The following ADAMTSL1 variants were observed in gnomAD, a reference collection of about 807,000 sequenced individuals.
ADAMTSL1 encodes ADAMTS like 1, also known as ADAMTS-like protein 1.
ADAMTSL1 carries 126 observed loss-of-function variants against 201.8 expected under a neutral mutation model. The observed-to-expected ratio is 0.62, with a 90% CI of 0.54 to 0.72. The LOEUF (loss-of-function observed/expected upper bound fraction) is 0.72. Among genes scored for constraint, ADAMTSL1 ranks in the 30% least tolerant of loss-of-function variants. The probability of loss-of-function intolerance (pLI) is 0.00; values close to 1 mark genes in which losing one functional copy is unlikely to be tolerated. For synonymous variants in ADAMTSL1, 1,121 were observed against 903.4 expected (o/e 1.24, Z -4.32); for missense variants, 2,679 against 2,277.8 (o/e 1.18, Z -3.59).
chr9:18,685,920 C>A (rs1481216665), intron 13 of ADAMTSL1, among the ~76,000 whole-genome samples: 1 of 150,174 alleles, frequency 6.7e-6, no homozygotes, highest in Admixed American at 6.6e-5. Flanking sequence ...CACTTTTTTT[C>A]CCTATTTTTT....
intron 1 of ADAMTSL1, among the ~76,000 whole-genome samples, chr9:18,044,917 C>G (rs1189710185): frequency 6.6e-6 from 1 of 152,084 alleles, no homozygotes; most frequent in African/African-American, 2.4e-5. Context: ...TTTTCAATTA[C>G]CAAATTATTA....
chr9:17,982,163 G>A (rs1315788461), intron 1 of ADAMTSL1, among the ~76,000 whole-genome samples: 1 of 152,100 alleles, frequency 6.6e-6, no homozygotes, highest in Non-Finnish European at 1.5e-5. Context: ...GAAGCTTCCA[G>A]TTATACACAT....
At chr9:18,517,080 G>A (rs1279928762) in intron 2 of ADAMTSL1, among the ~76,000 whole-genome samples, 1 of 152,196 alleles carries the variant, frequency 6.6e-6, no homozygotes. Context: ...AGATGGAAAA[G>A]TTGGACTTGA....
At chr9:18,140,499 A>T (rs1377529954) in intron 1 of ADAMTSL1, among the ~76,000 whole-genome samples, 1 of 152,214 alleles carries the variant, frequency 6.6e-6, no homozygotes, top group Admixed American at 6.5e-5. Context: ...CATGTGTGAA[A>T]TGTTGCCTAC....
chr9:18,366,012 T>C (rs952417308), intron 2 of ADAMTSL1, among the ~76,000 whole-genome samples: 4 of 152,348 alleles, frequency 2.6e-5, no homozygotes, highest in Middle Eastern at 3.4e-3. Context: ...GGAAAAATTG[T>C]CTTTCACGAA....
At position 17,953,991 on chromosome 9, in the gene ADAMTSL1, G is replaced by C. The variant is rs73416865; in HGVS notation, c.87+47069G>C. On this transcript the variant is annotated intron_variant, in intron 1 of 29. Transcript: ENST00000680146. ...GTTCCTTAATTTTTTTCTACATCACGTGCCTATTTAATATGGCTTCTTCAT... is the reference window on the plus strand; with the variant it reads ...GTTCCTTAATTTTTTTCTACATCACCTGCCTATTTAATATGGCTTCTTCAT... Among the ~76,000 whole-genome samples, 1,168 of 152,198 alleles carry C rather than the reference G, an allele frequency of 7.7e-3. 18 individuals carry two copies. Among genetic ancestry groups the C allele is most frequent in the African/African-American group, 0.027 (1,119 of 41,526 alleles).
At chr9:17,978,531 C>G (rs1818546596) in intron 1 of ADAMTSL1, among the ~76,000 whole-genome samples, 1 of 151,902 alleles carries the variant, frequency 6.6e-6, no homozygotes, top group Non-Finnish European at 1.5e-5. Context: ...TTATTTTATG[C>G]TAATAACTTA....
chr9:18,433,660 A>G (rs1344346344), intron 2 of ADAMTSL1, among the ~76,000 whole-genome samples: 1 of 152,170 alleles, frequency 6.6e-6, no homozygotes, highest in Non-Finnish European at 1.5e-5. Flanking sequence ...CACCAGTTTT[A>G]TATTAATCCC....
chr9:18,250,721 G>T (rs567205114), intron 2 of ADAMTSL1, among the ~76,000 whole-genome samples: 18 of 152,202 alleles, frequency 1.2e-4, no homozygotes, highest in African/African-American at 3.6e-4. Context: ...GGAAGAGGGG[G>T]CTTCTTGTTC....
chr9:18,134,012 A>G (rs1329609619), intron 1 of ADAMTSL1, among the ~76,000 whole-genome samples: 1 of 152,164 alleles, frequency 6.6e-6, no homozygotes, highest in African/African-American at 2.4e-5. Flanking sequence ...ACATTATTGT[A>G]CTGTTGAATA....
At chr9:18,303,049 T>G in intron 2 of ADAMTSL1, among the ~76,000 whole-genome samples, 1 of 152,200 alleles carries the variant, frequency 6.6e-6, no homozygotes, top group South Asian at 2.1e-4. Flanking sequence ...CTTTTAGCAT[T>G]TATCAAGTAT....
At chr9:18,771,042 A>T (rs1024411508) in intron 17 of ADAMTSL1, among the ~76,000 whole-genome samples, 1 of 152,114 alleles carries the variant, frequency 6.6e-6, no homozygotes, top group African/African-American at 2.4e-5. Flanking sequence ...ACCAGACCTC[A>T]TTGGTGCTGT....
intron 1 of ADAMTSL1, among the ~76,000 whole-genome samples, chr9:18,102,696 A>G (rs1230072833): frequency 6.6e-6 from 1 of 152,236 alleles, no homozygotes; most frequent in African/African-American, 2.4e-5. Flanking sequence ...GTGTCCAGTC[A>G]GTACCAAATA....
At chr9:18,302,465 A>G (rs984599113) in intron 2 of ADAMTSL1, among the ~76,000 whole-genome samples, 3 of 152,144 alleles carry the variant, frequency 2.0e-5, no homozygotes, top group South Asian at 2.1e-4. Flanking sequence ...CTACTTAGAT[A>G]TGTGGATATG....
rs1157861243 is a variant in ADAMTSL1 at position 18,777,476 on chromosome 9, G to A, written c.3247G>A (p.Gly1083Arg). 17 of 1,594,232 alleles carry A rather than the reference G, an allele frequency of 1.1e-5. No individual in the cohort carries two copies. The highest frequency in any genetic ancestry group is 1.7e-5 in the Admixed American group (1 of 57,252). Residue 1083 changes from glycine (G) to arginine (R), a missense_variant, in exon 19 of 29, where the codon GGG (glycine) becomes AGG (arginine). Physicochemically the swap from Gly to Arg is moderately radical, Grantham distance 125 (BLOSUM62 -2). Coordinates refer to ENST00000380548, the MANE Select transcript of ADAMTSL1 (RefSeq NM_001040272.6). ...GCAGCGGCGCCTGGACGACATCCTG[G>A]GGAACCTCTCCCAGCAGCCCGAGGA... ...TEQRRLDDIL[G>R]NLSQQPEELR... is the part of the protein sequence containing the mutation.
intron 1 of ADAMTSL1, among the ~76,000 whole-genome samples, chr9:17,980,624 G>A (rs1818651372): frequency 2.6e-5 from 4 of 151,972 alleles, no homozygotes; most frequent in Admixed American, 2.6e-4. Flanking sequence ...GGGTTTTTGG[G>A]GGGCAATTGG....
chr9:18,771,362 C>T (rs933469618), intron 17 of ADAMTSL1, among the ~76,000 whole-genome samples: 2 of 152,220 alleles, frequency 1.3e-5, no homozygotes, highest in African/African-American at 4.8e-5. Flanking sequence ...ATTGCTTCAG[C>T]ATTCACCATT....
intron 2 of ADAMTSL1, among the ~76,000 whole-genome samples, chr9:18,421,139 C>T (rs1437399215): frequency 6.6e-6 from 1 of 152,158 alleles, no homozygotes; most frequent in Non-Finnish European, 1.5e-5. Context: ...AATGCGTTCC[C>T]TGATCACCTT....
intron 5 of ADAMTSL1, among the ~76,000 whole-genome samples, chr9:18,623,509 G>C (rs1420094131): frequency 1.3e-5 from 2 of 152,152 alleles, no homozygotes; most frequent in African/African-American, 4.8e-5. Context: ...GATAGTCTCT[G>C]TGGTGGGACA....
Sources: allele counts gnomAD v4.1 joint callset (sites outside exome capture counted in the v4.1 genomes callset), GRCh38; gene constraint gnomAD v4.1.1; transcripts MANE v1.5; gene names NCBI Gene and HGNC (gene_info 2026-07-23, HGNC 2026-07-21).